The following ETV6 variants were observed in gnomAD, a reference collection of about 807,000 sequenced individuals.
The protein encoded by ETV6 is transcription factor ETV6.
Under a neutral mutation model 51.1 loss-of-function variants are expected in ETV6, and 16 were observed. The ratio of observed to expected loss-of-function variants is 0.31; its 90% CI spans 0.21 to 0.48. The LOEUF (loss-of-function observed/expected upper bound fraction) is 0.48, where lower values mean the gene tolerates loss of function less well. Among genes scored for constraint, ETV6 ranks in the 20% least tolerant of loss-of-function variants. The pLI, the probability that ETV6 is intolerant of heterozygous loss-of-function variation, is 0.99. For synonymous variants in ETV6, 240 were observed against 224.1 expected, an observed-to-expected ratio of 1.07 and a Z score of -0.64; for missense variants, 458 against 594.8, an observed-to-expected ratio of 0.77 and a Z score of 2.39.
chr12:11,894,843 C>G lies in ETV6; in HGVS notation c.*3797C>G, dbSNP rs1162088611. 5 of 233,512 alleles carry G rather than the reference C, an allele frequency of 2.1e-5. No homozygotes were observed. Among genetic ancestry groups the G allele is most frequent in the African/African-American group, 1.1e-4 (5 of 45,350 alleles). The allele number at this position is 233,512 out of a possible 1,614,324, so 14.5% of individuals were successfully genotyped here. On this transcript the variant is annotated 3_prime_UTR_variant, in exon 8 of 8. Coordinates refer to ENST00000396373, the MANE Select transcript of ETV6 (RefSeq NM_001987.5). ...TCCAGCCTGGGCTCACCCTGTGTGG[C>G]TCATTCCCACCCAGGAAACTGAAGA...
chr12:11,865,298 C>T (rs1215070056), intron 4 of ETV6, among the ~76,000 whole-genome samples: 1 of 150,672 alleles, frequency 6.6e-6, no homozygotes, highest in African/African-American at 2.4e-5. Flanking sequence ...CAAAAAAAGA[C>T]TATAAAATCA....
intron 2 of ETV6, among the ~76,000 whole-genome samples, chr12:11,800,778 A>AG (rs757665826): frequency 2.6e-5 from 4 of 152,164 alleles, no homozygotes; most frequent in Non-Finnish European, 5.9e-5. Flanking sequence ...CCCAGAAAGA[A>AG]TTAAAAAGTA....
chr12:11,789,536 C>T (rs1468273749), intron 2 of ETV6, among the ~76,000 whole-genome samples: 2 of 152,096 alleles, frequency 1.3e-5, no homozygotes, highest in African/African-American at 4.8e-5. Context: ...AGTCCCTTTC[C>T]TGAATTCTGG....
At chr12:11,880,061 AT>A (rs1947065818) in intron 5 of ETV6, among the ~76,000 whole-genome samples, 1 of 151,842 alleles carries the variant, frequency 6.6e-6, no homozygotes, top group African/African-American at 2.4e-5. Context: ...AGGAAAAAAA[AT>A]CTATTGTGTG....
intron 1 of ETV6, among the ~76,000 whole-genome samples, chr12:11,698,251 C>CTGCT (rs1864915429): frequency 1.3e-5 from 2 of 152,202 alleles, no homozygotes; most frequent in African/African-American, 4.8e-5. Context: ...TTCCTAACAT[C>CTGCT]TGCATTAGTA....
Position 11,683,287 on chromosome 12 carries a change from G to A in ETV6, c.33+33127G>A, listed in dbSNP as rs552327121. On this transcript the variant is annotated intron_variant, in intron 1 of 7. Coordinates refer to ENST00000396373, the MANE Select transcript of ETV6 (RefSeq NM_001987.5). ...TTGATCCCCTGACCTCAAGTGATCC[G>A]CCAGCCTTGGCCTTTCAAAGTGCTG... is the stretch of plus-strand genomic sequence containing the variant. 7.2e-5 allele frequency among the ~76,000 whole-genome samples: 11 copies of A among 152,250 alleles called. No homozygotes were observed. The South Asian group carries it at 2.3e-3, about 32-fold the overall frequency.
chr12:11,806,084 G>T (rs1591686439), intron 2 of ETV6, among the ~76,000 whole-genome samples: 1 of 152,178 alleles, frequency 6.6e-6, no homozygotes, highest in Non-Finnish European at 1.5e-5. Flanking sequence ...GAATTGTAAA[G>T]AAAAATATGA....
intron 5 of ETV6, among the ~76,000 whole-genome samples, chr12:11,878,733 C>T (rs1285237347): frequency 6.6e-6 from 1 of 151,280 alleles, no homozygotes; most frequent in Non-Finnish European, 1.5e-5. Context: ...CCATTGTAAA[C>T]ACACCTCTGC....
chr12:11,667,936 G>A (rs1236112304), intron 1 of ETV6, among the ~76,000 whole-genome samples: 4 of 151,510 alleles, frequency 2.6e-5, no homozygotes, highest in East Asian at 1.9e-4. Flanking sequence ...TCCTGACCTC[G>A]CGATCCACCC....
rs139666610 is a variant in ETV6, at chr12:11,781,656, C to T, written c.163+29077C>T. ...ATATTTGTGTTGTATTCACATTGAT[C>T]GTTTTTACTTGGACTATAGCCAAAG... is the stretch of plus-strand genomic sequence containing the variant. On this transcript the variant is annotated intron_variant, in intron 2 of 7. Coordinates refer to ENST00000396373, the MANE Select transcript of ETV6 (RefSeq NM_001987.5). Among the ~76,000 whole-genome samples, 514 of 152,320 alleles carry T rather than the reference C, an allele frequency of 3.4e-3. 3 individuals are homozygous for T. The highest frequency in any genetic ancestry group is 5.6e-3 in the South Asian group (27 of 4,830).
intron 3 of ETV6, among the ~76,000 whole-genome samples, chr12:11,849,252 G>A (rs1318525925): frequency 6.6e-6 from 1 of 151,872 alleles, no homozygotes; most frequent in African/African-American, 2.4e-5. Context: ...CCGGGACAAT[G>A]GGCACGCATC....
chr12:11,750,792 CTTTTTTTTT>C (rs6144613), intron 1 of ETV6: 30 of 369,958 alleles, frequency 8.1e-5, no homozygotes, highest in South Asian at 1.7e-4. Flanking sequence ...TATGTGTGGG[CTTTTTTTTT>C]TTTTTTTTTT....
At chr12:11,873,036 G>A (rs975276434) in intron 5 of ETV6, among the ~76,000 whole-genome samples, 13 of 152,172 alleles carry the variant, frequency 8.5e-5, no homozygotes, top group Non-Finnish European at 1.3e-4. Context: ...GGGGGAATGC[G>A]TTAACTCCTT....
intron 2 of ETV6, among the ~76,000 whole-genome samples, chr12:11,809,728 C>G (rs1330755060): frequency 6.6e-6 from 1 of 150,966 alleles, no homozygotes; most frequent in Non-Finnish European, 1.5e-5. Flanking sequence ...ACCATATGCA[C>G]ATCTACCCTC....
chr12:11,790,740 T>C (rs1475096662), intron 2 of ETV6, among the ~76,000 whole-genome samples: 1 of 144,620 alleles, frequency 6.9e-6, no homozygotes, highest in Non-Finnish European at 1.5e-5. Flanking sequence ...GGCAGTAACA[T>C]AATCTTGGCT....
At chr12:11,672,578 C>T (rs537890109) in intron 1 of ETV6, among the ~76,000 whole-genome samples, 14 of 152,280 alleles carry the variant, frequency 9.2e-5, no homozygotes, top group Middle Eastern at 3.4e-3. Context: ...TGAGACAAAG[C>T]TTGCGTATAA....
chr12:11,779,921 G>A (rs762934182), intron 2 of ETV6, among the ~76,000 whole-genome samples: 1 of 152,182 alleles, frequency 6.6e-6, no homozygotes, highest in Non-Finnish European at 1.5e-5. Flanking sequence ...AATTAAATGA[G>A]CTGATAAAAT....
intron 1 of ETV6, among the ~76,000 whole-genome samples, chr12:11,684,069 G>A (rs1591606548): frequency 1.3e-5 from 2 of 152,158 alleles, no homozygotes; most frequent in East Asian, 3.8e-4. Flanking sequence ...CACTGACTTC[G>A]ACAACTGAGA....
chr12:11,668,486 C>T (rs1267311638), intron 1 of ETV6, among the ~76,000 whole-genome samples: 1 of 151,700 alleles, frequency 6.6e-6, no homozygotes, highest in Admixed American at 6.6e-5. Context: ...AAAAGAGTAT[C>T]ATGTGAGATT....
Sources: allele counts gnomAD v4.1 joint callset (sites outside exome capture counted in the v4.1 genomes callset), GRCh38; gene constraint gnomAD v4.1.1; transcripts MANE v1.5; gene names NCBI Gene and HGNC (gene_info 2026-07-23, HGNC 2026-07-21).